The following ACYP2 variants were observed in gnomAD, a reference collection of about 807,000 sequenced individuals.
ACYP2 encodes the protein acylphosphatase-2.
Under a neutral mutation model 11.2 loss-of-function variants are expected in ACYP2, and 12 were observed. The observed-to-expected ratio is 1.08, with a 90% CI of 0.69 to 1.74. The LOEUF (loss-of-function observed/expected upper bound fraction) is 1.74. Ranked by LOEUF, ACYP2 falls within the 40% of genes most tolerant of loss-of-function variation. The probability of loss-of-function intolerance (pLI) is 0.00; values close to 1 mark genes in which losing one functional copy is unlikely to be tolerated. For missense variants in ACYP2, 134 were observed against 101.9 expected (o/e 1.31, Z -1.35); for synonymous variants, 43 against 32.2 (o/e 1.33, Z -1.13).
chr2:54,221,693 G>A (rs1162975837), intron 6 of ACYP2, among the ~76,000 whole-genome samples: 1 of 151,636 alleles, frequency 6.6e-6, no homozygotes, highest in Non-Finnish European at 1.5e-5. Context: ...GCTAATTTTT[G>A]TATTTTTAGT....
intron 4 of ACYP2, among the ~76,000 whole-genome samples, chr2:54,125,244 A>T (rs1012059217): frequency 4.6e-5 from 7 of 151,456 alleles, no homozygotes; most frequent in African/African-American, 1.7e-4. Flanking sequence ...TTTATTTTTA[A>T]AGTCTTGTGG....
At chr2:54,293,341 G>T (rs540403209) in intron 6 of ACYP2, among the ~76,000 whole-genome samples, 2 of 152,312 alleles carry the variant, frequency 1.3e-5, no homozygotes, top group African/African-American at 4.8e-5. Context: ...GAAGTTACAG[G>T]TTATAGTCAT....
chr2:54,002,350 C>CTTT (rs35906411), intron 2 of ACYP2, among the ~76,000 whole-genome samples: 3 of 144,750 alleles, frequency 2.1e-5, no homozygotes, highest in Admixed American at 6.9e-5. Flanking sequence ...TCATTTCTTT[C>CTTT]TTTTTTTTTT....
chr2:54,074,915 G>A (rs945655946), intron 4 of ACYP2, among the ~76,000 whole-genome samples: 3 of 152,110 alleles, frequency 2.0e-5, no homozygotes, highest in East Asian at 1.9e-4. Flanking sequence ...GATGTAAGTC[G>A]TAATCTCACC....
chr2:54,183,193 ATATGAC>A (rs760951962), intron 6 of ACYP2, among the ~76,000 whole-genome samples: 13 of 152,356 alleles, frequency 8.5e-5, no homozygotes, highest in Non-Finnish European at 1.5e-4. Context: ...TATGGTTTCC[ATATGAC>A]TATAAGTTAA....
intron 4 of ACYP2, among the ~76,000 whole-genome samples, chr2:54,099,081 TGAG>T (rs1572749799): frequency 6.6e-6 from 1 of 152,198 alleles, no homozygotes; most frequent in East Asian, 1.9e-4. Flanking sequence ...AACCAAGAGT[TGAG>T]GATGTTTGTG....
rs539436004 is a variant in ACYP2, at chr2:54,111,845, C to G, written c.278-23608C>G. Among the ~76,000 whole-genome samples, 5 of 152,274 alleles carry G rather than the reference C, an allele frequency of 3.3e-5. No homozygotes were observed. In the East Asian group the frequency reaches 9.7e-4, roughly 29 times the overall value. On this transcript the variant is annotated intron_variant, in intron 4 of 6. Coordinates refer to ENST00000607452, the MANE Select transcript of ACYP2 (RefSeq NM_001320586.2). ...TGCTTGTCCTTAAAATCAATCATAT[C>G]TTAATATCAAATTTCTGAGAAATAA...
intron 2 of ACYP2, among the ~76,000 whole-genome samples, chr2:54,004,843 C>T (rs1430364592): frequency 7.1e-5 from 10 of 140,872 alleles, no homozygotes; most frequent in South Asian, 2.2e-4. Flanking sequence ...TGCAGTGAGC[C>T]GAGATCTCAC....
intron 6 of ACYP2, among the ~76,000 whole-genome samples, chr2:54,240,335 T>G (rs558616719): frequency 1.4e-4 from 21 of 152,226 alleles, no homozygotes; most frequent in African/African-American, 5.1e-4. Context: ...AAAACAGACC[T>G]CATGCAGGAA....
intron 6 of ACYP2, among the ~76,000 whole-genome samples, chr2:54,145,411 C>T (rs952389997): frequency 6.6e-6 from 1 of 152,106 alleles, no homozygotes. Flanking sequence ...GGCAAGCAGT[C>T]CTAGGATTAG....
intron 6 of ACYP2, among the ~76,000 whole-genome samples, chr2:54,234,512 C>G (rs1312806796): frequency 2.6e-5 from 4 of 152,216 alleles, no homozygotes; most frequent in Admixed American, 1.3e-4. Flanking sequence ...CTGCTTTTGT[C>G]TGCAGCTGAT....
At chr2:53,988,313 A>C (rs1026417811) in intron 2 of ACYP2, among the ~76,000 whole-genome samples, 1 of 152,146 alleles carries the variant, frequency 6.6e-6, no homozygotes, top group Non-Finnish European at 1.5e-5. Context: ...TCCATGATTC[A>C]TCATTAGTTA....
At chr2:54,257,895 T>A (rs752739008) in intron 6 of ACYP2, among the ~76,000 whole-genome samples, 1 of 152,156 alleles carries the variant, frequency 6.6e-6, no homozygotes, top group Non-Finnish European at 1.5e-5. Flanking sequence ...CTTAAAAAAA[T>A]GTTTCCACAA....
At chr2:54,218,838 T>C (rs1470710069) in intron 6 of ACYP2, among the ~76,000 whole-genome samples, 1 of 152,200 alleles carries the variant, frequency 6.6e-6, no homozygotes, top group Non-Finnish European at 1.5e-5. Context: ...ACAGTAGCTT[T>C]TCTGGAGGTC....
At chr2:54,090,522 T>C (rs760056539) in intron 4 of ACYP2, among the ~76,000 whole-genome samples, 72 of 152,272 alleles carry the variant, frequency 4.7e-4, no homozygotes, top group Non-Finnish European at 3.1e-4. Flanking sequence ...TCCCAGCTAC[T>C]CAGGAGGCTG....
intron 6 of ACYP2, among the ~76,000 whole-genome samples, chr2:54,159,518 T>G (rs919154332): frequency 6.6e-6 from 1 of 152,096 alleles, no homozygotes; most frequent in Admixed American, 6.6e-5. Flanking sequence ...AGGATATTTT[T>G]GAATAGTTAA....
chr2:54,012,327 A>G (rs973486141), intron 2 of ACYP2, among the ~76,000 whole-genome samples: 1 of 151,884 alleles, frequency 6.6e-6, no homozygotes, highest in Non-Finnish European at 1.5e-5. Context: ...GAAACATAGC[A>G]AGACCTCGCT....
intron 2 of ACYP2, among the ~76,000 whole-genome samples, chr2:54,045,315 A>G (rs908497824): frequency 2.0e-5 from 3 of 152,104 alleles, no homozygotes; most frequent in African/African-American, 4.8e-5. Flanking sequence ...GTCTCCTCCC[A>G]TCTTCTTACT....
intron 4 of ACYP2, chr2:54,080,097 C>A: frequency 4.8e-6 from 1 of 209,410 alleles, no homozygotes; most frequent in South Asian, 8.9e-5. Context: ...CAACTCACAC[C>A]ATAATGCAGC....
Sources: allele counts gnomAD v4.1 joint callset (sites outside exome capture counted in the v4.1 genomes callset), GRCh38; gene constraint gnomAD v4.1.1; transcripts MANE v1.5; gene names NCBI Gene and HGNC (gene_info 2026-07-23, HGNC 2026-07-21).